The following TGFA variants were observed in gnomAD, a reference collection of about 807,000 sequenced individuals.
TGFA encodes transforming growth factor alpha, also known as protransforming growth factor alpha.
TGFA carries 12 observed loss-of-function variants against 21.7 expected under a neutral mutation model. The observed-to-expected ratio is 0.55, with a 90% CI of 0.35 to 0.90. TGFA has a LOEUF of 0.90. Ranked by LOEUF, TGFA falls within the 40% of genes least tolerant of loss-of-function variation. TGFA has a pLI of 0.01. For missense variants in TGFA, 178 were observed against 210.8 expected (o/e 0.84, Z 0.96); for synonymous variants, 79 against 88.1 (o/e 0.90, Z 0.58).
intron 5 of TGFA, among the ~76,000 whole-genome samples, chr2:70,452,726 G>A (rs1670095665): frequency 6.6e-6 from 1 of 152,168 alleles, no homozygotes; most frequent in Non-Finnish European, 1.5e-5. Flanking sequence ...CAGATCACCT[G>A]AGGTCAGGAG....
intron 5 of TGFA, 85 bp from the exon 6 acceptor site, chr2:70,450,951 A>C: frequency 6.6e-7 from 1 of 1,509,396 alleles, no homozygotes; most frequent in South Asian, 1.2e-5. Context: ...AGACTTGGAG[A>C]TGGCAGAGCC....
At chr2:70,500,136 T>C (rs1373511548) in intron 2 of TGFA, among the ~76,000 whole-genome samples, 1 of 152,176 alleles carries the variant, frequency 6.6e-6, no homozygotes, top group Non-Finnish European at 1.5e-5. Context: ...GAACTAGCCA[T>C]GTGTCAAGCA....
In TGFA at chr2:70,480,097, T is replaced by C. The variant is rs1009481848; in HGVS notation, c.95-14361A>G. ...AGACAGAAAAGGGGAAGTTTAACTG[T>C]AGCGCCTTCAAATACCTAAGAAATC... On this transcript the variant is annotated intron_variant, in intron 2 of 5. Transcript: ENST00000295400. Among the ~76,000 whole-genome samples, 6 of 152,238 alleles carry C rather than the reference T, an allele frequency of 3.9e-5. No individual in the cohort carries two copies. In the South Asian group the frequency reaches 8.3e-4, roughly 21 times the overall value.
intron 2 of TGFA, among the ~76,000 whole-genome samples, chr2:70,511,946 G>T (rs1413370404): frequency 6.6e-6 from 1 of 150,390 alleles, no homozygotes; most frequent in Non-Finnish European, 1.5e-5. Context: ...ACAATGACGG[G>T]CAGTGAGTGT....
intron 2 of TGFA, among the ~76,000 whole-genome samples, chr2:70,466,233 T>G (rs1670556100): frequency 6.6e-6 from 1 of 152,202 alleles, no homozygotes; most frequent in South Asian, 2.1e-4. Flanking sequence ...ATTGTCTGTA[T>G]AGCGGTGGCT....
At chr2:70,462,994 G>A (rs1002885347) in intron 3 of TGFA, among the ~76,000 whole-genome samples, 9 of 152,100 alleles carry the variant, frequency 5.9e-5, no homozygotes, top group Non-Finnish European at 1.3e-4. Flanking sequence ...ATGCCTGGAA[G>A]CAAAAGAGCT....
At chr2:70,470,793 G>A (rs1362888844) in intron 2 of TGFA, among the ~76,000 whole-genome samples, 1 of 152,054 alleles carries the variant, frequency 6.6e-6, no homozygotes, top group East Asian at 1.9e-4. Flanking sequence ...CAGCCCAAAG[G>A]GCAGAGAGGA....
chr2:70,524,880 A>G (rs1672588136), intron 1 of TGFA, among the ~76,000 whole-genome samples: 1 of 152,214 alleles, frequency 6.6e-6, no homozygotes, highest in Non-Finnish European at 1.5e-5. Flanking sequence ...TGGGGAGGTT[A>G]TAAGTCCCTC....
intron 5 of TGFA, 131 bp from the exon 6 acceptor site, chr2:70,450,997 G>T: frequency 9.2e-7 from 1 of 1,091,338 alleles, no homozygotes; most frequent in Non-Finnish European, 1.4e-6. Context: ...TTAGGCCCGA[G>T]TCCAAATTCT....
In TGFA at chr2:70,492,430, G is replaced by A. The variant is rs150629989; in HGVS notation, c.94+22429C>T. On this transcript the variant is annotated intron_variant, in intron 2 of 5. Coordinates refer to ENST00000295400, the MANE Select transcript of TGFA (RefSeq NM_003236.4). The stretch of plus-strand genomic sequence containing the variant: ...GTCCCTTGAGGTCCAGTGTGGACAA[G>A]ATGAGTGGCTGCATGCCCCATTTCT... 7.1e-3 allele frequency among the ~76,000 whole-genome samples: 1,078 copies of A among 152,272 alleles called. 7 individuals carry two copies. The highest frequency in any genetic ancestry group is 0.017 in the Middle Eastern group (5 of 294).
intron 2 of TGFA, among the ~76,000 whole-genome samples, chr2:70,469,791 A>G (rs1248250495): frequency 3.3e-5 from 5 of 152,236 alleles, no homozygotes; most frequent in African/African-American, 1.2e-4. Flanking sequence ...GTGACTCTAA[A>G]GCCTGAAATC....
intron 2 of TGFA, among the ~76,000 whole-genome samples, chr2:70,498,705 C>T (rs1553498669): frequency 6.6e-6 from 1 of 152,026 alleles, no homozygotes; most frequent in Non-Finnish European, 1.5e-5. Flanking sequence ...ACAGCTTGCA[C>T]AGATCTAGTT....
chr2:70,553,716 C>A lies in TGFA; in HGVS notation c.40+12G>T. The A allele has an allele frequency of 7.5e-7, 1 of 1,329,918 alleles. No individual in the cohort carries two copies. The highest frequency in any genetic ancestry group is 2.2e-5 in the South Asian group (1 of 44,480). The allele number at this position is 1,329,918 out of a possible 1,614,324, so 82.4% of individuals were successfully genotyped here. Reference sequence around the variant, plus strand: ...CGCGCGGCGCAGGGGGCGCCGCAGCCGGCGTACGTACCCAGAGCGAACAGG... The same window carrying A: ...CGCGCGGCGCAGGGGGCGCCGCAGCAGGCGTACGTACCCAGAGCGAACAGG... On this transcript the variant is annotated intron_variant, in intron 1 of 5. Coordinates refer to ENST00000295400, the MANE Select transcript of TGFA (RefSeq NM_003236.4).
At chr2:70,473,373 C>T (rs1670815316) in intron 2 of TGFA, among the ~76,000 whole-genome samples, 1 of 151,724 alleles carries the variant, frequency 6.6e-6, no homozygotes, top group Admixed American at 6.6e-5. Context: ...ATCCTGCTCC[C>T]CTGGGCAGGT....
chr2:70,545,160 A>G (rs1410244379), intron 1 of TGFA, among the ~76,000 whole-genome samples: 1 of 152,128 alleles, frequency 6.6e-6, no homozygotes, highest in Non-Finnish European at 1.5e-5. Flanking sequence ...ATGTACCCAC[A>G]AGAATTAAAA....
chr2:70,470,696 G>A (rs918931576), intron 2 of TGFA, among the ~76,000 whole-genome samples: 8 of 152,152 alleles, frequency 5.3e-5, no homozygotes, highest in African/African-American at 1.7e-4. Context: ...TGGTGGTCTC[G>A]CTCTGTGTAT....
intron 3 of TGFA, among the ~76,000 whole-genome samples, chr2:70,458,645 C>T (rs1420105695): frequency 2.0e-5 from 3 of 152,210 alleles, no homozygotes; most frequent in Non-Finnish European, 4.4e-5. Context: ...TCATTCCTCA[C>T]TCTCCTCCTC....
chr2:70,480,691 TTCTC>T (rs1671088478), intron 2 of TGFA, among the ~76,000 whole-genome samples: 1 of 152,098 alleles, frequency 6.6e-6, no homozygotes, highest in South Asian at 2.1e-4. Context: ...GCATTCTCAG[TTCTC>T]TCTATGGGAA....
intron 2 of TGFA, among the ~76,000 whole-genome samples, chr2:70,492,752 C>G (rs1441699728): frequency 2.0e-5 from 3 of 152,200 alleles, no homozygotes; most frequent in Admixed American, 6.5e-5. Context: ...CATTTCACAA[C>G]TTTTCCAAAT....
Sources: gnomAD v4.1 joint callset for allele counts (sites outside exome capture counted in the v4.1 genomes callset) on GRCh38, gnomAD v4.1.1 for gene constraint, MANE v1.5 for transcripts, NCBI Gene and HGNC (gene_info 2026-07-23, HGNC 2026-07-21) for gene names.